Variants in AUNIP observed in about 807,000 individuals in gnomAD.
AUNIP encodes aurora kinase A- and ninein-interacting protein.
In AUNIP, 16 loss-of-function variants were observed where a neutral mutation model predicts 12.2. The observed-to-expected ratio is 1.31, with a 90% CI of 0.88 to 1.99. AUNIP has a LOEUF of 1.99. AUNIP is among the 30% of genes most tolerant of loss of function. The pLI is 0.00. For synonymous variants in AUNIP, 142 were observed against 154.8 expected, an observed-to-expected ratio of 0.92 and a Z score of 0.61; for missense variants, 411 against 419.1, an observed-to-expected ratio of 0.98 and a Z score of 0.17.
intron 1 of AUNIP, among the ~76,000 whole-genome samples, chr1:25,855,859 CA>C (rs1440149567): frequency 1.3e-5 from 2 of 152,104 alleles, no homozygotes; most frequent in Non-Finnish European, 2.9e-5. Context: ...AGTCAGGAAC[CA>C]AAGATTTTAA....
At chr1:25,837,058 C>A (rs910080391) in intron 2 of AUNIP, among the ~76,000 whole-genome samples, 42 of 152,176 alleles carry the variant, frequency 2.8e-4, no homozygotes, top group African/African-American at 9.9e-4. Flanking sequence ...TATTAATTAA[C>A]CTTAGACAGA....
Position 25,835,692 on chromosome 1 carries a change from T to C in AUNIP, c.375A>G (p.Ala125=), listed in dbSNP as rs547863335. The part of the protein sequence containing the change: ...MASPLATSTT[A]DIQEAGLSPQ... The stretch of plus-strand genomic sequence containing the variant: ...GAGAGAGTCCAGCTTCCTGGATGTC[T>C]GCAGTGGTTGAAGTGGCTAAAGGGG... The change falls in exon 3 of 3, where the codon GCA becomes GCG. Residue 125 remains alanine, a synonymous_variant. Coordinates refer to ENST00000374298, the MANE Select transcript of AUNIP (RefSeq NM_024037.3). 91 of 1,614,252 alleles carry C rather than the reference T, an allele frequency of 5.6e-5. No individual in the cohort carries two copies. The South Asian group carries it at 9.7e-4, about 17-fold the overall frequency.
rs543822645 is a variant in AUNIP at position 25,835,569 on chromosome 1, A to C, written c.498T>G (p.Asp166Glu). ...AGGAAAAAGCCAGTGGGGTATGACT[A>C]TCTCCAGCACAGTCTGGAGTATCAG... ...LQPDTPDCAG[D>E]SHTPLAFSFT... The change falls in exon 3 of 3, where the codon GAT becomes GAG. Residue 166 changes from aspartate (D) to glutamate (E), a missense_variant. By Grantham distance (45) the Asp-to-Glu change is conservative (BLOSUM62 2). Coordinates refer to ENST00000374298, the MANE Select transcript of AUNIP (RefSeq NM_024037.3). 2 of 1,614,240 alleles carry C rather than the reference A, an allele frequency of 1.2e-6. No homozygotes were observed. The highest frequency in any genetic ancestry group is 1.7e-6 in the Non-Finnish European group (2 of 1,180,042).
chr1:25,832,502 C>T (rs2048259450), downstream of AUNIP: 4 of 287,682 alleles, frequency 1.4e-5, no homozygotes, highest in Non-Finnish European at 2.7e-5. Flanking sequence ...TCTTATGCTG[C>T]TCCGTCATAA....
intron 1 of AUNIP, among the ~76,000 whole-genome samples, chr1:25,838,198 T>A (rs1273291465): frequency 2.0e-5 from 3 of 149,338 alleles, no homozygotes; most frequent in Non-Finnish European, 3.0e-5. Context: ...TACCTATCCA[T>A]ATGGCAGTTA....
intron 1 of AUNIP, among the ~76,000 whole-genome samples, chr1:25,852,783 C>G (rs551873677): frequency 6.6e-6 from 1 of 152,242 alleles, no homozygotes; most frequent in South Asian, 2.1e-4. Flanking sequence ...ACATATCCCT[C>G]TAAGCATAGT....
rs2048287807 is a variant in AUNIP at position 25,835,037 on chromosome 1, T to C, written c.1030A>G (p.Thr344Ala). The change falls in exon 3 of 3, where the codon ACC becomes GCC. Residue 344 changes from threonine (T) to alanine (A), a missense_variant. Physicochemically the swap from Thr to Ala is moderately conservative, Grantham distance 58 (BLOSUM62 0). Coordinates refer to ENST00000374298, the MANE Select transcript of AUNIP (RefSeq NM_024037.3). ...TQNLKPDLLF[T>A]QDSEGNQVIR... ...ACTTGATTACCTTCAGAGTCCTGGG[T>C]AAAGAGCAAATCAGGCTTCAGATTT... 1.2e-6 allele frequency: 2 copies of C among 1,614,144 alleles called. No individual in the cohort carries two copies. The highest frequency in any genetic ancestry group is 1.7e-6 in the Non-Finnish European group (2 of 1,180,032).
Position 25,835,292 on chromosome 1 carries a change from T to C in AUNIP, c.775A>G (p.Ile259Val), listed in dbSNP as rs928618469. 6.2e-7 allele frequency: 1 copy of C among 1,614,228 alleles called. No individual in the cohort carries two copies. Among genetic ancestry groups the C allele is most frequent in the Admixed American group, 1.7e-5 (1 of 60,024 alleles). The change falls in exon 3 of 3, where the codon ATA becomes GTA. Residue 259 changes from isoleucine to valine, a missense_variant. Coordinates refer to ENST00000374298, the MANE Select transcript of AUNIP (RefSeq NM_024037.3). ...CTACGGCTTTGTTTCACTGATTCTATGTTTTCTCCATTCCAGGATTCCCTG... is the reference window on the plus strand; with the variant it reads ...CTACGGCTTTGTTTCACTGATTCTACGTTTTCTCCATTCCAGGATTCCCTG... Reference protein sequence around the residue: ...TYRESWNGENIESVKQSRSPV... With the variant: ...TYRESWNGENVESVKQSRSPV...
downstream of AUNIP, chr1:25,832,002 A>C (rs756415974): frequency 6.2e-7 from 1 of 1,614,220 alleles, no homozygotes; most frequent in South Asian, 1.1e-5. Context: ...TAAAGGAAGA[A>C]GATATCAGTA....
At chr1:25,836,044 A>T (rs1478873932) in intron 2 of AUNIP, among the ~76,000 whole-genome samples, 198 bp from the exon 3 acceptor site, 1 of 152,134 alleles carries the variant, frequency 6.6e-6, no homozygotes, top group Non-Finnish European at 1.5e-5. Context: ...AAAACATCAG[A>T]TCTTATATTC....
At position 25,835,339 on chromosome 1, in the gene AUNIP, G is replaced by A; in HGVS notation, c.728C>T (p.Ala243Val). ...RKVSAKENRQ[A>V]PVLLQTYRES... Reference sequence around the variant, plus strand: ...CCTGTATGTTTGAAGGAGGACAGGGGCCTGCCTGTTTTCTTTGGCAGACAC... The same window carrying A: ...CCTGTATGTTTGAAGGAGGACAGGGACCTGCCTGTTTTCTTTGGCAGACAC... The change falls in exon 3 of 3, where the codon GCC (alanine) becomes GTC (valine). Residue 243 changes from alanine (A) to valine (V), a missense_variant. Ala to Val is a moderately conservative substitution (Grantham distance 64, BLOSUM62 0). Transcript: ENST00000374298. 1.2e-6 allele frequency: 2 copies of A among 1,614,178 alleles called. No homozygotes were observed. The highest frequency in any genetic ancestry group is 2.2e-5 in the East Asian group (1 of 44,892).
chr1:25,854,317 A>G (rs1298774414), intron 1 of AUNIP, among the ~76,000 whole-genome samples: 4 of 152,220 alleles, frequency 2.6e-5, no homozygotes, highest in African/African-American at 9.7e-5. Context: ...GAGTGTGGAC[A>G]TATTTTGAAA....
chr1:25,837,393 T>C lies in AUNIP; in HGVS notation c.220+20A>G, dbSNP rs771523582. The stretch of plus-strand genomic sequence containing the variant: ...TTTTTTGCTCTGGATAATGAAGTAT[T>C]CCCATATGGGTCACCATACCTGGCT... On this transcript the variant is annotated intron_variant, in intron 2 of 2. Transcript: ENST00000374298. The C allele has an allele frequency of 6.2e-7, 1 of 1,606,786 alleles. No individual in the cohort carries two copies. The highest frequency in any genetic ancestry group is 1.1e-5 in the South Asian group (1 of 89,684).
chr1:25,846,416 CAAAAAAAAAAAAA>C (rs57719994), intron 1 of AUNIP, among the ~76,000 whole-genome samples: 1 of 29,832 alleles, frequency 3.4e-5, no homozygotes, highest in Non-Finnish European at 5.6e-5. Flanking sequence ...GACTCCATCT[CAAAAAAAAAAAAA>C]AAAAAAAAAA....
At chr1:25,843,623 A>AG (rs200650546) in intron 1 of AUNIP, among the ~76,000 whole-genome samples, 7 of 138,144 alleles carry the variant, frequency 5.1e-5, no homozygotes, top group African/African-American at 2.3e-4. Flanking sequence ...AAAAAAAAAA[A>AG]GGGATTCATG....
chr1:25,835,390 A>G lies in AUNIP; in HGVS notation c.677T>C (p.Leu226Ser). ...KLPGDKCCQP[L>S]GKTKLERKVS... ...CTTTCTTTCCAATTTAGTCTTGCCTAAGGGCTGACAGCATTTGTCCCCAGG... is the reference window on the plus strand; with the variant it reads ...CTTTCTTTCCAATTTAGTCTTGCCTGAGGGCTGACAGCATTTGTCCCCAGG... Residue 226 changes from leucine (L) to serine (S), a missense_variant, in exon 3 of 3, where the codon TTA becomes TCA. Coordinates refer to ENST00000374298, the MANE Select transcript of AUNIP (RefSeq NM_024037.3). 6.2e-7 allele frequency: 1 copy of G among 1,614,220 alleles called. No homozygotes were observed. Among genetic ancestry groups the G allele is most frequent in the Non-Finnish European group, 8.5e-7 (1 of 1,180,034 alleles).
intron 1 of AUNIP, among the ~76,000 whole-genome samples, chr1:25,846,050 G>C (rs78365231): frequency 0.026 from 3,969 of 152,256 alleles, 172 homozygotes; most frequent in African/African-American, 0.09. Flanking sequence ...AAGGAGAAAA[G>C]CAAATTTCTT....
chr1:25,849,374 T>C (rs1162088835), intron 1 of AUNIP, among the ~76,000 whole-genome samples: 1 of 152,072 alleles, frequency 6.6e-6, no homozygotes, highest in African/African-American at 2.4e-5. Context: ...AGTTCTCATT[T>C]CCCCCAAAAG....
downstream of AUNIP, chr1:25,831,952 G>A (rs763373271): frequency 6.2e-7 from 1 of 1,614,100 alleles, no homozygotes; most frequent in African/African-American, 1.3e-5. Context: ...GGAAGACCCT[G>A]CTGTGCTTAT....
Sources: gnomAD v4.1 joint callset for allele counts (sites outside exome capture counted in the v4.1 genomes callset) on GRCh38, gnomAD v4.1.1 for gene constraint, MANE v1.5 for transcripts, NCBI Gene and HGNC (gene_info 2026-07-23, HGNC 2026-07-21) for gene names.